GNG2: variants seen among roughly 807,000 people sequenced by gnomAD.
The protein encoded by GNG2 is guanine nucleotide-binding protein G(I)/G(S)/G(O) subunit gamma-2.
GNG2 carries 5 observed loss-of-function variants against 5.5 expected under a neutral mutation model. The ratio of observed to expected loss-of-function variants is 0.91; its 90% CI spans 0.48 to 1.92. The LOEUF (loss-of-function observed/expected upper bound fraction) is 1.92, where lower values mean the gene tolerates loss of function less well. Among genes scored for constraint, GNG2 ranks in the 30% most tolerant of loss-of-function variants. GNG2 has a pLI of 0.01. For synonymous variants in GNG2, 28 were observed against 32.0 expected, an observed-to-expected ratio of 0.88 and a Z score of 0.42; for missense variants, 55 against 88.4, an observed-to-expected ratio of 0.62 and a Z score of 1.52.
At chr14:51,841,614 C>A (rs1310390894) in intron 2 of GNG2, 2 of 685,484 alleles carry the variant, frequency 2.9e-6, no homozygotes, top group Non-Finnish European at 5.3e-6. Flanking sequence ...TCAACAGAAC[C>A]ATTAAAAGGA....
intron 2 of GNG2, among the ~76,000 whole-genome samples, chr14:51,923,321 T>A (rs1430994071): frequency 1.3e-5 from 2 of 152,058 alleles, no homozygotes. Flanking sequence ...CAAATTCAAA[T>A]CAGAAAGTTT....
intron 2 of GNG2, among the ~76,000 whole-genome samples, chr14:51,886,759 C>T (rs938077712): frequency 2.6e-5 from 4 of 152,180 alleles, no homozygotes; most frequent in African/African-American, 9.7e-5. Flanking sequence ...TGAACTGATT[C>T]TTCCACTTAT....
At chr14:51,852,292 T>C (rs1192548972) in intron 2 of GNG2, among the ~76,000 whole-genome samples, 1 of 152,256 alleles carries the variant, frequency 6.6e-6, no homozygotes, top group Non-Finnish European at 1.5e-5. Flanking sequence ...CTTATCTTCC[T>C]CCTCCTAAAA....
intron 2 of GNG2, among the ~76,000 whole-genome samples, chr14:51,921,898 T>C (rs1887034370): frequency 6.6e-6 from 1 of 152,226 alleles, no homozygotes; most frequent in Admixed American, 6.5e-5. Flanking sequence ...ATTAAACCCA[T>C]ACAGATTTGC....
At chr14:51,918,966 C>A (rs1362671882) in intron 2 of GNG2, among the ~76,000 whole-genome samples, 1 of 152,156 alleles carries the variant, frequency 6.6e-6, no homozygotes, top group African/African-American at 2.4e-5. Context: ...GCTGGGATTA[C>A]AGGCATGTGC....
intron 1 of GNG2, among the ~76,000 whole-genome samples, chr14:51,876,906 T>C (rs1007201541): frequency 5.7e-4 from 87 of 152,336 alleles, no homozygotes; most frequent in African/African-American, 2.0e-3. Flanking sequence ...CTTGAGGCTT[T>C]AGCAATTCCC....
intron 2 of GNG2, among the ~76,000 whole-genome samples, chr14:51,919,561 T>C (rs1454432977): frequency 1.3e-5 from 2 of 152,246 alleles, no homozygotes; most frequent in African/African-American, 2.4e-5. Flanking sequence ...TTTGATGTTT[T>C]AGACTGGTCT....
intron 2 of GNG2, chr14:51,841,653 C>T: frequency 1.5e-6 from 1 of 659,778 alleles, no homozygotes. Flanking sequence ...AACATTAAGG[C>T]ACATGAAAAG....
At chr14:51,885,143 A>C (rs1264717703) in intron 2 of GNG2, among the ~76,000 whole-genome samples, 9 of 152,152 alleles carry the variant, frequency 5.9e-5, no homozygotes, top group Non-Finnish European at 1.5e-5. Flanking sequence ...AAGCTAATTC[A>C]AGTTGTGACT....
chr14:51,931,413 C>T (rs191620541), intron 2 of GNG2, among the ~76,000 whole-genome samples: 449 of 152,258 alleles, frequency 2.9e-3, no homozygotes, highest in African/African-American at 9.9e-3. Flanking sequence ...GTGAGAGGCG[C>T]TCATTCACAT....
intron 3 of GNG2, among the ~76,000 whole-genome samples, chr14:51,955,995 G>A (rs905653758): frequency 6.6e-6 from 1 of 152,194 alleles, no homozygotes; most frequent in African/African-American, 2.4e-5. Context: ...GAACTAGAGA[G>A]AGGACATATA....
chr14:51,920,264 T>C (rs1886936935), intron 2 of GNG2, among the ~76,000 whole-genome samples: 1 of 152,146 alleles, frequency 6.6e-6, no homozygotes, highest in Admixed American at 6.5e-5. Flanking sequence ...CCCCTGAAGA[T>C]ATCAAGGGAC....
At chr14:51,914,523 G>A (rs1886495119) in intron 2 of GNG2, among the ~76,000 whole-genome samples, 2 of 152,194 alleles carry the variant, frequency 1.3e-5, no homozygotes, top group Admixed American at 6.5e-5. Context: ...GTAATGAGGT[G>A]TCGGCAGTTT....
chr14:51,884,798 G>A (rs1021412788), intron 2 of GNG2, among the ~76,000 whole-genome samples: 1 of 152,164 alleles, frequency 6.6e-6, no homozygotes, highest in African/African-American at 2.4e-5. Flanking sequence ...CTGACCACAG[G>A]GGAGGAGACT....
chr14:51,955,687 TCAAA>T (rs1889238065), intron 3 of GNG2, among the ~76,000 whole-genome samples: 1 of 152,186 alleles, frequency 6.6e-6, no homozygotes, highest in African/African-American at 2.4e-5. Context: ...AATGGGGAAG[TCAAA>T]TTAAATATTT....
intron 2 of GNG2, among the ~76,000 whole-genome samples, chr14:51,890,947 T>A (rs1469900424): frequency 1.3e-5 from 2 of 152,166 alleles, no homozygotes; most frequent in Non-Finnish European, 2.9e-5. Context: ...AATTCCAGCT[T>A]ATAGAGCATC....
intron 3 of GNG2, among the ~76,000 whole-genome samples, chr14:51,953,075 C>G (rs1421818820): frequency 6.6e-6 from 1 of 152,174 alleles, no homozygotes; most frequent in Non-Finnish European, 1.5e-5. Context: ...GTCTCCTTTG[C>G]CCCTCTACCT....
At chr14:51,886,999 C>G (rs897198589) in intron 2 of GNG2, among the ~76,000 whole-genome samples, 1 of 152,180 alleles carries the variant, frequency 6.6e-6, no homozygotes, top group Non-Finnish European at 1.5e-5. Context: ...AGATAACTTA[C>G]AAAAACTTGT....
chr14:51,874,281 C>A (rs368390678), intron 1 of GNG2, among the ~76,000 whole-genome samples: 1 of 151,894 alleles, frequency 6.6e-6, no homozygotes, highest in Non-Finnish European at 1.5e-5. Context: ...AAAAATTAGC[C>A]GGGCGTGGTG....
Sources: allele counts gnomAD v4.1 joint callset (sites outside exome capture counted in the v4.1 genomes callset), GRCh38; gene constraint gnomAD v4.1.1; transcripts MANE v1.5; gene names NCBI Gene and HGNC (gene_info 2026-07-23, HGNC 2026-07-21).